The following ASIC2 variants were observed in gnomAD, a reference collection of about 807,000 sequenced individuals.
ASIC2 encodes the protein acid-sensing ion channel 2.
In ASIC2, 25 loss-of-function variants were observed where a neutral mutation model predicts 57.3. The observed-to-expected ratio is 0.44, with a 90% CI of 0.32 to 0.61. The LOEUF (loss-of-function observed/expected upper bound fraction) is 0.61. Ranked by LOEUF, ASIC2 falls within the 20% of genes least tolerant of loss-of-function variation. ASIC2 has a pLI of 0.06. For missense variants in ASIC2, 641 were observed against 738.1 expected, an observed-to-expected ratio of 0.87 and a Z score of 1.52; for synonymous variants, 319 against 307.5, an observed-to-expected ratio of 1.04 and a Z score of -0.39.
intron 1 of ASIC2, among the ~76,000 whole-genome samples, chr17:33,620,943 T>A (rs1299457594): frequency 1.3e-5 from 2 of 151,376 alleles, no homozygotes; most frequent in African/African-American, 2.4e-5. Flanking sequence ...ATGGACCCGC[T>A]GGCCGTCCTT....
At chr17:34,039,980 A>G in intron 1 of ASIC2, 1 of 916,086 alleles carries the variant, frequency 1.1e-6, no homozygotes, top group South Asian at 1.5e-5. Context: ...CCCGGGGCGG[A>G]GCCGGGGCCT....
rs368734932 is a variant in ASIC2, at chr17:33,758,407, A to G, written c.555+397571T>C. On this transcript the variant is annotated intron_variant, in intron 1 of 9. Transcript: ENST00000359872. ...TTGTTTGAACATGTGTATAAAATGTATAGTCCTTTTATGAACCTAAGGATT... is the reference window on the plus strand; with the variant it reads ...TTGTTTGAACATGTGTATAAAATGTGTAGTCCTTTTATGAACCTAAGGATT... Among the ~76,000 whole-genome samples the G allele has an allele frequency of 2.5e-4, 38 of 152,350 alleles. No homozygotes were observed. In the East Asian group the frequency reaches 4.2e-3, roughly 17 times the overall value.
chr17:33,134,073 G>C (rs1022511238), intron 1 of ASIC2, among the ~76,000 whole-genome samples: 2 of 152,198 alleles, frequency 1.3e-5, no homozygotes, highest in African/African-American at 4.8e-5. Flanking sequence ...CAGCACTGAG[G>C]GTTATGGAGA....
At position 33,359,856 on chromosome 17, in the gene ASIC2, T is replaced by A. The variant is rs148236219; in HGVS notation, c.556-247789A>T. On this transcript the variant is annotated intron_variant, in intron 1 of 9. Transcript: ENST00000359872. ...GAAGTACATGCTGGGATGGTGGGAC[T>A]GAATTCCATGGGAGCCTGCATCTCT... Among the ~76,000 whole-genome samples, 5 of 152,326 alleles carry A rather than the reference T, an allele frequency of 3.3e-5. No homozygotes were observed. In the East Asian group the frequency reaches 9.6e-4, roughly 29 times the overall value.
intron 1 of ASIC2, chr17:34,002,253 A>C (rs961195675): frequency 2.0e-5 from 3 of 152,258 alleles, no homozygotes; most frequent in Non-Finnish European, 4.4e-5. Flanking sequence ...AACTATAAGG[A>C]GGCTGCAAGG....
intron 1 of ASIC2, among the ~76,000 whole-genome samples, chr17:33,740,044 G>A (rs117776606): frequency 0.01 from 1,563 of 152,108 alleles, 10 homozygotes; most frequent in Non-Finnish European, 0.016. Context: ...AAAGAACAGA[G>A]GGAGAGTCAG....
chr17:33,195,749 C>T (rs1264122140), intron 1 of ASIC2, among the ~76,000 whole-genome samples: 2 of 152,142 alleles, frequency 1.3e-5, no homozygotes, highest in East Asian at 3.9e-4. Context: ...GAAGGTCATG[C>T]AGCTAGGAAG....
At chr17:34,025,368 CT>C (rs1482001793) in intron 1 of ASIC2, among the ~76,000 whole-genome samples, 7 of 152,194 alleles carry the variant, frequency 4.6e-5, no homozygotes, top group Non-Finnish European at 7.3e-5. Context: ...AGAGATACCC[CT>C]ATACCTTAGA....
At chr17:33,707,313 A>G (rs1908892971) in intron 1 of ASIC2, among the ~76,000 whole-genome samples, 1 of 152,010 alleles carries the variant, frequency 6.6e-6, no homozygotes. Flanking sequence ...CTCTTGTATA[A>G]TTTTCTCAAT....
At chr17:33,513,488 C>G (rs1347932850) in intron 1 of ASIC2, among the ~76,000 whole-genome samples, 1 of 152,200 alleles carries the variant, frequency 6.6e-6, no homozygotes, top group Non-Finnish European at 1.5e-5. Flanking sequence ...GAAAGTATCT[C>G]TTAATTTCAA....
intron 1 of ASIC2, among the ~76,000 whole-genome samples, chr17:33,647,361 T>C (rs181546382): frequency 2.1e-4 from 32 of 152,334 alleles, no homozygotes; most frequent in Non-Finnish European, 3.7e-4. Context: ...TTGGGGCCTC[T>C]TTCATATACA....
At chr17:33,058,616 T>G (rs750411418) in intron 3 of ASIC2, among the ~76,000 whole-genome samples, 2 of 152,046 alleles carry the variant, frequency 1.3e-5, no homozygotes, top group Non-Finnish European at 2.9e-5. Context: ...TGTCTATGAC[T>G]GTCAGCTGTC....
chr17:33,390,150 T>C (rs968118990), intron 1 of ASIC2, among the ~76,000 whole-genome samples: 1 of 152,014 alleles, frequency 6.6e-6, no homozygotes, highest in Non-Finnish European at 1.5e-5. Flanking sequence ...CTGTCTCTAC[T>C]AAAAAGACAA....
At chr17:33,869,156 C>T (rs773465644) in intron 1 of ASIC2, among the ~76,000 whole-genome samples, 11 of 152,156 alleles carry the variant, frequency 7.2e-5, no homozygotes, top group South Asian at 4.2e-4. Context: ...CACGAAGTGA[C>T]GCTCACTATC....
intron 1 of ASIC2, among the ~76,000 whole-genome samples, chr17:33,635,554 C>G (rs1433499713): frequency 6.6e-6 from 1 of 152,212 alleles, no homozygotes; most frequent in Non-Finnish European, 1.5e-5. Context: ...TAATCTTCTG[C>G]TCTGCAAGTG....
intron 1 of ASIC2, among the ~76,000 whole-genome samples, chr17:33,161,495 C>T (rs1267299590): frequency 6.6e-6 from 1 of 152,206 alleles, no homozygotes; most frequent in African/African-American, 2.4e-5. Flanking sequence ...CCTTGTCCCA[C>T]CATCACACTC....
At chr17:33,622,979 AT>A (rs1366932557) in intron 1 of ASIC2, among the ~76,000 whole-genome samples, 2 of 152,136 alleles carry the variant, frequency 1.3e-5, no homozygotes, top group African/African-American at 4.8e-5. Context: ...CATTGGTCGA[AT>A]TTTTTATTTG....
intron 1 of ASIC2, among the ~76,000 whole-genome samples, chr17:33,557,404 T>A (rs1259785511): frequency 6.6e-6 from 1 of 152,214 alleles, no homozygotes; most frequent in Admixed American, 6.5e-5. Flanking sequence ...CTAAGTGCAA[T>A]GTTAACAGTC....
At chr17:33,561,422 T>C (rs1280737603) in intron 1 of ASIC2, among the ~76,000 whole-genome samples, 3 of 152,174 alleles carry the variant, frequency 2.0e-5, no homozygotes, top group Non-Finnish European at 4.4e-5. Context: ...CAATGCAACA[T>C]TTATAAAATT....
Sources: gnomAD v4.1 joint callset for allele counts (sites outside exome capture counted in the v4.1 genomes callset) on GRCh38, gnomAD v4.1.1 for gene constraint, MANE v1.5 for transcripts, NCBI Gene and HGNC (gene_info 2026-07-23, HGNC 2026-07-21) for gene names.